GRID1: variants seen among roughly 807,000 people sequenced by gnomAD.
GRID1 encodes the protein glutamate ionotropic receptor delta type subunit 1, also known as glutamate receptor ionotropic, delta-1.
GRID1 carries 28 observed loss-of-function variants against 98.0 expected under a neutral mutation model. The ratio of observed to expected loss-of-function variants is 0.29; its 90% CI spans 0.21 to 0.39. The LOEUF (loss-of-function observed/expected upper bound fraction) is 0.39, where lower values mean the gene tolerates loss of function less well. Among genes scored for constraint, GRID1 ranks in the 10% least tolerant of loss-of-function variants. GRID1 has a pLI of 1.00. For synonymous variants in GRID1, 553 were observed against 538.5 expected (o/e 1.03, Z -0.37); for missense variants, 1,111 against 1,340.5 (o/e 0.83, Z 2.67).
intron 4 of GRID1, among the ~76,000 whole-genome samples, chr10:86,040,995 C>T (rs2131898943): frequency 6.6e-6 from 1 of 152,272 alleles, no homozygotes; most frequent in Non-Finnish European, 1.5e-5. Context: ...ACTTGGCTCT[C>T]TCTGGGCTCT....
chr10:86,128,355 T>C (rs1447242445), intron 4 of GRID1, among the ~76,000 whole-genome samples: 2 of 152,260 alleles, frequency 1.3e-5, no homozygotes, highest in Non-Finnish European at 1.5e-5. Context: ...GTTGGGGGAA[T>C]TCATGTGTGC....
In GRID1 at chr10:86,288,096, C is replaced by T. The variant is rs919748963; in HGVS notation, c.235+75845G>A. ...AGCAGGAAGATGCCAGGCTGCCCGG[C>T]AGAAGCTGAGTCTATGGGCACAAAG... On this transcript the variant is annotated intron_variant, in intron 2 of 15. Transcript: ENST00000327946. Among the ~76,000 whole-genome samples, 55 of 152,308 alleles carry T rather than the reference C, an allele frequency of 3.6e-4. 1 individual carries two copies. Among genetic ancestry groups the T allele is most frequent in the African/African-American group, 1.3e-3 (54 of 41,562 alleles).
intron 4 of GRID1, among the ~76,000 whole-genome samples, chr10:85,990,192 G>A (rs1418040787): frequency 6.6e-6 from 1 of 152,182 alleles, no homozygotes; most frequent in East Asian, 1.9e-4. Flanking sequence ...CATTGCCTTA[G>A]AAGGAACCCA....
intron 4 of GRID1, among the ~76,000 whole-genome samples, chr10:86,117,767 C>T (rs766651637): frequency 1.3e-5 from 2 of 152,218 alleles, no homozygotes; most frequent in South Asian, 2.1e-4. Context: ...TGTGATACCA[C>T]GTCACTCCTG....
intron 4 of GRID1, among the ~76,000 whole-genome samples, chr10:86,056,448 C>A (rs534062259): frequency 3.9e-5 from 6 of 152,334 alleles, no homozygotes; most frequent in African/African-American, 1.4e-4. Flanking sequence ...ATTCTCATCT[C>A]ATTTCCAACC....
chr10:86,101,245 G>A (rs964969284), intron 4 of GRID1, among the ~76,000 whole-genome samples: 2 of 152,184 alleles, frequency 1.3e-5, no homozygotes, highest in East Asian at 1.9e-4. Context: ...TTGAATGACC[G>A]TATAATTTAT....
intron 6 of GRID1, among the ~76,000 whole-genome samples, chr10:85,863,007 G>A (rs1843179385): frequency 6.6e-6 from 1 of 152,170 alleles, no homozygotes; most frequent in African/African-American, 2.4e-5. Context: ...AATCCTGCTT[G>A]AGCAGCTACA....
At chr10:85,900,990 A>T (rs1365285851) in intron 5 of GRID1, among the ~76,000 whole-genome samples, 1 of 152,150 alleles carries the variant, frequency 6.6e-6, no homozygotes, top group Non-Finnish European at 1.5e-5. Context: ...GGAGGCAGTA[A>T]TTTGAACTGT....
chr10:85,803,204 T>A (rs1376552588), intron 8 of GRID1, among the ~76,000 whole-genome samples: 1 of 152,062 alleles, frequency 6.6e-6, no homozygotes, highest in Non-Finnish European at 1.5e-5. Flanking sequence ...ATAACTTAAC[T>A]GTATATTTAA....
chr10:85,684,523 A>G (rs1841247222), intron 12 of GRID1, among the ~76,000 whole-genome samples: 1 of 152,240 alleles, frequency 6.6e-6, no homozygotes, highest in African/African-American at 2.4e-5. Flanking sequence ...AGCATTTTAT[A>G]AAATGTAATA....
intron 8 of GRID1, among the ~76,000 whole-genome samples, chr10:85,760,887 A>G (rs1842141151): frequency 6.6e-6 from 1 of 152,196 alleles, no homozygotes; most frequent in Non-Finnish European, 1.5e-5. Context: ...CAAAGCACCA[A>G]GATTCTCAGA....
chr10:86,343,545 T>G (rs190156780), intron 2 of GRID1, among the ~76,000 whole-genome samples: 82 of 152,312 alleles, frequency 5.4e-4, no homozygotes, highest in African/African-American at 1.9e-3. Flanking sequence ...AGATGAAATA[T>G]TCCTTGCAGA....
At chr10:86,020,290 G>A (rs1278932865) in intron 4 of GRID1, among the ~76,000 whole-genome samples, 5 of 152,228 alleles carry the variant, frequency 3.3e-5, no homozygotes, top group African/African-American at 1.2e-4. Flanking sequence ...ATGGAGCCTG[G>A]CACAGGAGAG....
intron 2 of GRID1, among the ~76,000 whole-genome samples, chr10:86,333,097 C>T (rs1335273233): frequency 6.6e-6 from 1 of 152,204 alleles, no homozygotes; most frequent in Non-Finnish European, 1.5e-5. Context: ...CCTCCAGCCT[C>T]ATCTTCTACC....
At position 85,856,577 on chromosome 10, in the gene GRID1, GC is replaced by G. The variant is rs574476226; in HGVS notation, c.952-388del. On this transcript the variant is annotated intron_variant, in intron 6 of 15. Coordinates refer to ENST00000327946, the MANE Select transcript of GRID1 (RefSeq NM_017551.3). ...AAGGGAGGGCACAGCATTTGCAAGG[GC>G]ATGAAGGTGTCAAGAGACAGGGCCA... 6.1e-4 allele frequency among the ~76,000 whole-genome samples: 93 copies of G among 152,322 alleles called. 2 individuals carry two copies. Among genetic ancestry groups the G allele is most frequent in the Admixed American group, 6.0e-3 (92 of 15,302 alleles).
chr10:86,158,329 G>C (rs1363078729), intron 3 of GRID1, among the ~76,000 whole-genome samples: 3 of 152,182 alleles, frequency 2.0e-5, no homozygotes, highest in Non-Finnish European at 1.5e-5. Flanking sequence ...CTCCATTACA[G>C]GGCTATTGTG....
chr10:85,882,249 T>C (rs1242786891), intron 5 of GRID1, among the ~76,000 whole-genome samples: 1 of 152,148 alleles, frequency 6.6e-6, no homozygotes, highest in Non-Finnish European at 1.5e-5. Flanking sequence ...GAAATACCAT[T>C]TGACCCAGCC....
intron 12 of GRID1, among the ~76,000 whole-genome samples, chr10:85,653,915 T>C (rs938142296): frequency 6.6e-6 from 1 of 151,798 alleles, no homozygotes; most frequent in African/African-American, 2.4e-5. Context: ...ATGCCCTTTT[T>C]AAAAAAAATA....
At chr10:86,356,483 G>A (rs1848535198) in intron 2 of GRID1, among the ~76,000 whole-genome samples, 1 of 152,158 alleles carries the variant, frequency 6.6e-6, no homozygotes, top group African/African-American at 2.4e-5. Context: ...GCTGGTTGTG[G>A]CCAACGAGTC....
Sources: allele counts gnomAD v4.1 joint callset (sites outside exome capture counted in the v4.1 genomes callset), GRCh38; gene constraint gnomAD v4.1.1; transcripts MANE v1.5; gene names NCBI Gene and HGNC (gene_info 2026-07-23, HGNC 2026-07-21).